The following TG variants were observed in gnomAD, a reference collection of about 807,000 sequenced individuals.
TG encodes thyroid hormones.
Under a neutral mutation model 324.7 loss-of-function variants are expected in TG, and 270 were observed. The observed-to-expected ratio is 0.83, with a 90% confidence interval of 0.75 to 0.92. TG has a LOEUF of 0.92. Ranked by LOEUF, TG falls within the 40% of genes least tolerant of loss-of-function variation. TG has a pLI of 0.00. For missense variants in TG, 3,591 were observed against 3,456.4 expected, an observed-to-expected ratio of 1.04 and a Z score of -0.98; for synonymous variants, 1,401 against 1,327.0, an observed-to-expected ratio of 1.06 and a Z score of -1.21.
intron 39 of TG, 62 bp downstream of exon 39, chr8:133,019,757 C>T: frequency 7.2e-7 from 1 of 1,396,736 alleles, no homozygotes. Context: ...ATCCACTGTC[C>T]CCACTGTGGC....
chr8:132,884,591 G>A (rs142648750), intron 8 of TG, among the ~76,000 whole-genome samples: 3 of 152,128 alleles, frequency 2.0e-5, no homozygotes, highest in East Asian at 1.9e-4. Flanking sequence ...TGAGAATGTC[G>A]AAAAAGAAAA....
At chr8:133,084,746 A>T (rs977630242) in intron 41 of TG, among the ~76,000 whole-genome samples, 6 of 152,204 alleles carry the variant, frequency 3.9e-5, no homozygotes, top group Admixed American at 2.0e-4. Flanking sequence ...GACCCCTTAG[A>T]GCGCTCCCCC....
At chr8:132,955,135 G>T (rs1333826334) in intron 27 of TG, among the ~76,000 whole-genome samples, 1 of 152,094 alleles carries the variant, frequency 6.6e-6, no homozygotes, top group Non-Finnish European at 1.5e-5. Context: ...AACACTGGAG[G>T]CCCAGGATTG....
intron 5 of TG, among the ~76,000 whole-genome samples, chr8:132,877,688 T>C (rs1038670169): frequency 1.4e-4 from 22 of 152,156 alleles, no homozygotes; most frequent in African/African-American, 5.1e-4. Flanking sequence ...GAGCATAAAC[T>C]CAGAAATGCC....
Position 132,969,517 on chromosome 8 carries a change from G to C in TG, c.5923G>C (p.Gly1975Arg). 6.2e-7 allele frequency: 1 copy of C among 1,613,880 alleles called. No homozygotes were observed. Among genetic ancestry groups the C allele is most frequent in the Non-Finnish European group, 8.5e-7 (1 of 1,179,898 alleles). The change falls in exon 32 of 48, where the codon GGG (glycine) becomes CGG (arginine). Residue 1975 changes from glycine to arginine, a missense_variant. By Grantham distance (125) the Gly-to-Arg change is moderately radical. Transcript: ENST00000220616. The stretch of plus-strand genomic sequence containing the variant: ...TCGCCTGCCGTTCCAAAAACTGATG[G>C]GGATATCCATTAGAAATAAAGTGCC... The part of the protein sequence containing the change: ...YTRLPFQKLM[G>R]ISIRNKVPMS...
chr8:133,002,430 C>T (rs575206788), intron 35 of TG: 10 of 984,290 alleles, frequency 1.0e-5, no homozygotes, highest in Non-Finnish European at 7.2e-6. Context: ...TAAGCCGCCT[C>T]ACATCTTTCA....
chr8:132,901,617 T>G (rs562234307), intron 16 of TG, 64 bp downstream of exon 16: 1 of 1,547,920 alleles, frequency 6.5e-7, no homozygotes, highest in South Asian at 1.2e-5. Flanking sequence ...CCAGACTGGG[T>G]GAAGTACTAG....
At chr8:132,969,385 A>T in intron 31 of TG, 73 bp from the exon 32 acceptor site, 1 of 1,015,512 alleles carries the variant, frequency 9.8e-7, no homozygotes, top group Non-Finnish European at 1.6e-6. Flanking sequence ...TCTGTATTTT[A>T]CTCATTTGTC....
Position 133,013,636 on chromosome 8 carries a change from T to C in TG, c.6434T>C (p.Leu2145Pro). ...SQHEACLITT[L>P]QTQPGAVRCM... The stretch of plus-strand genomic sequence containing the variant: ...CATGAGGCCTGTCTCATCACCACTC[T>C]GCAAACCCAACCTGGGGCTGTGAGA... The change falls in exon 37 of 48, where the codon CTG becomes CCG. Residue 2145 changes from leucine (L) to proline (P), a missense_variant. By Grantham distance (98) the Leu-to-Pro change is moderately conservative. Coordinates refer to ENST00000220616, the MANE Select transcript of TG (RefSeq NM_003235.5). 1 of 1,614,234 alleles carries C rather than the reference T, an allele frequency of 6.2e-7. No individual in the cohort carries two copies.
chr8:132,915,069 C>T (rs545662366), intron 20 of TG, among the ~76,000 whole-genome samples: 97 of 152,138 alleles, frequency 6.4e-4, no homozygotes, highest in Non-Finnish European at 7.8e-4. Flanking sequence ...TGTCCGTACG[C>T]ATGTGTGTGA....
Position 132,882,970 on chromosome 8 carries a change from C to A in TG, c.1046C>A (p.Thr349Asn). 6.2e-7 allele frequency: 1 copy of A among 1,614,010 alleles called. No individual in the cohort carries two copies. Among genetic ancestry groups the A allele is most frequent in the Non-Finnish European group, 8.5e-7 (1 of 1,179,948 alleles). ...VDAQGKEMHG[T>N]RQQGEPPSCA... The stretch of plus-strand genomic sequence containing the variant: ...GCCCAGGGGAAGGAAATGCATGGAA[C>A]CCGGCAGCAAGGGGAGCCGCCATCT... Residue 349 changes from threonine to asparagine, a missense_variant, in exon 8 of 48, where the codon ACC becomes AAC. Physicochemically the swap from Thr to Asn is moderately conservative, Grantham distance 65. Transcript: ENST00000220616.
intron 41 of TG, among the ~76,000 whole-genome samples, chr8:133,042,836 G>A (rs1838566297): frequency 6.6e-6 from 1 of 151,716 alleles, no homozygotes; most frequent in Admixed American, 6.6e-5. Context: ...TGGGATTACA[G>A]GCGCCCACCA....
At chr8:132,991,762 T>G (rs1832367558) in intron 35 of TG, among the ~76,000 whole-genome samples, 1 of 152,058 alleles carries the variant, frequency 6.6e-6, no homozygotes, top group Non-Finnish European at 1.5e-5. Context: ...AGGATCCACA[T>G]CTGCCAGGGA....
chr8:133,065,592 T>C (rs577324257), intron 41 of TG, among the ~76,000 whole-genome samples: 117 of 152,084 alleles, frequency 7.7e-4, no homozygotes, highest in African/African-American at 2.7e-3. Flanking sequence ...AGGAACCCCG[T>C]CTCTACTAAA....
chr8:132,895,590 T>TTCTTCCTCCCTTCTTTCTCTC (rs1816979351), intron 11 of TG, among the ~76,000 whole-genome samples: 1 of 152,216 alleles, frequency 6.6e-6, no homozygotes, highest in Admixed American at 6.5e-5. Context: ...CCTTATTGCT[T>TTCTTCCTCCCTTCTTTCTCTC]TCTTCCTCCC....
intron 43 of TG, among the ~76,000 whole-genome samples, chr8:133,110,897 G>A (rs1382212856): frequency 6.6e-6 from 1 of 152,136 alleles, no homozygotes; most frequent in Admixed American, 6.5e-5. Flanking sequence ...AACCAGCCAC[G>A]ACTAGGAGTG....
chr8:132,908,149 C>T (rs1308700897), intron 17 of TG, 37 bp from the exon 18 acceptor site: 4 of 1,611,504 alleles, frequency 2.5e-6, no homozygotes, highest in East Asian at 2.2e-5. Flanking sequence ...ACTCTACAGG[C>T]CCATTGCCTC....
At chr8:132,922,842 C>T (rs574220193) in intron 21 of TG, among the ~76,000 whole-genome samples, 6 of 152,272 alleles carry the variant, frequency 3.9e-5, no homozygotes, top group African/African-American at 1.4e-4. Flanking sequence ...GATCTAGTCA[C>T]CTCCCAAAGG....
chr8:132,967,156 C>T (rs113344307), intron 30 of TG, among the ~76,000 whole-genome samples: 1 of 142,594 alleles, frequency 7.0e-6, no homozygotes, highest in Non-Finnish European at 1.5e-5. Context: ...CATCCATCCA[C>T]CCATCCAACC....
Sources: gnomAD v4.1 joint callset for allele counts (sites outside exome capture counted in the v4.1 genomes callset) on GRCh38, gnomAD v4.1.1 for gene constraint, MANE v1.5 for transcripts, NCBI Gene and HGNC (gene_info 2026-07-23, HGNC 2026-07-21) for gene names.